DGKB: variants seen among roughly 807,000 people sequenced by gnomAD.
DGKB encodes the protein 90 kDa diacylglycerol kinase.
DGKB carries 67 observed loss-of-function variants against 114.3 expected under a neutral mutation model. That is an observed-to-expected ratio of 0.59 (90% CI 0.48 to 0.72). The LOEUF (loss-of-function observed/expected upper bound fraction) is 0.72. Among genes scored for constraint, DGKB ranks in the 30% least tolerant of loss-of-function variants. The pLI is 0.00. For missense variants in DGKB, 907 were observed against 975.2 expected (o/e 0.93, Z 0.93); for synonymous variants, 398 against 323.1 (o/e 1.23, Z -2.49).
At chr7:14,367,309 G>C (rs1816843787) in intron 21 of DGKB, among the ~76,000 whole-genome samples, 2 of 152,080 alleles carry the variant, frequency 1.3e-5, no homozygotes, top group African/African-American at 4.8e-5. Context: ...TGTGTGGTGA[G>C]AGGGATCCAG....
At chr7:14,668,274 G>C (rs1818381221) in intron 13 of DGKB, among the ~76,000 whole-genome samples, 1 of 152,058 alleles carries the variant, frequency 6.6e-6, no homozygotes, top group African/African-American at 2.4e-5. Context: ...AAGAACATTA[G>C]AATAGAATTG....
At chr7:14,517,082 C>T (rs980444483) in intron 20 of DGKB, among the ~76,000 whole-genome samples, 2 of 151,924 alleles carry the variant, frequency 1.3e-5, no homozygotes, top group African/African-American at 2.4e-5. Context: ...TAACCCAATC[C>T]GCATGGTACT....
At chr7:14,485,747 C>G (rs925793829) in intron 20 of DGKB, among the ~76,000 whole-genome samples, 2 of 150,358 alleles carry the variant, frequency 1.3e-5, no homozygotes, top group East Asian at 2.0e-4. Flanking sequence ...AAAAAAATAC[C>G]CGGGCATGGT....
At chr7:14,906,220 A>C (rs76161875), upstream of DGKB, among the ~76,000 whole-genome samples, 447 of 152,042 alleles carry the variant, frequency 2.9e-3, 8 homozygotes, top group Admixed American at 0.019. Flanking sequence ...AGCCTTAAAA[A>C]AAAAACAAAA....
At chr7:14,230,657 C>A (rs1791577962) in intron 23 of DGKB, among the ~76,000 whole-genome samples, 1 of 151,930 alleles carries the variant, frequency 6.6e-6, no homozygotes, top group African/African-American at 2.4e-5. Flanking sequence ...ACTTTAAAAC[C>A]TTAGTTTAAA....
At chr7:14,232,106 T>C (rs949481727) in intron 23 of DGKB, among the ~76,000 whole-genome samples, 1 of 151,970 alleles carries the variant, frequency 6.6e-6, no homozygotes, top group Non-Finnish European at 1.5e-5. Flanking sequence ...TTTGCCTCCC[T>C]CTTTTCCTCT....
intron 21 of DGKB, among the ~76,000 whole-genome samples, chr7:14,394,367 T>A (rs1007768972): frequency 4.6e-5 from 7 of 152,188 alleles, no homozygotes; most frequent in African/African-American, 1.7e-4. Context: ...TGAATAGATT[T>A]ATTTTAGACC....
At chr7:14,672,610 C>T (rs1056721775) in intron 13 of DGKB, among the ~76,000 whole-genome samples, 4 of 151,994 alleles carry the variant, frequency 2.6e-5, no homozygotes, top group African/African-American at 9.7e-5. Context: ...CTTCATTATT[C>T]TGGGAAGCTA....
At chr7:14,173,729 A>C (rs993962073) in intron 25 of DGKB, among the ~76,000 whole-genome samples, 6 of 152,208 alleles carry the variant, frequency 3.9e-5, no homozygotes, top group African/African-American at 1.4e-4. Flanking sequence ...CTTCAATTAC[A>C]GTGAAATTTA....
intron 20 of DGKB, among the ~76,000 whole-genome samples, chr7:14,552,893 G>T (rs1795304410): frequency 6.6e-6 from 1 of 152,200 alleles, no homozygotes; most frequent in Non-Finnish European, 1.5e-5. Flanking sequence ...GGTCAGCGTT[G>T]TTATGGACCG....
intron 20 of DGKB, among the ~76,000 whole-genome samples, chr7:14,517,149 G>T (rs1242072449): frequency 6.6e-6 from 1 of 151,874 alleles, no homozygotes; most frequent in African/African-American, 2.4e-5. Flanking sequence ...CAGAAATAAG[G>T]CCATGCACCT....
chr7:14,898,197 G>C (rs760722700), intron 1 of DGKB, among the ~76,000 whole-genome samples: 1 of 152,010 alleles, frequency 6.6e-6, no homozygotes, highest in African/African-American at 2.4e-5. Context: ...CATTAGCATG[G>C]AGAGCGGGCA....
At chr7:14,356,552 G>T (rs1239174594) in intron 21 of DGKB, among the ~76,000 whole-genome samples, 12 of 151,588 alleles carry the variant, frequency 7.9e-5, no homozygotes, top group African/African-American at 1.9e-4. Flanking sequence ...TAGTAGAGAT[G>T]GGTTTCATTG....
intron 23 of DGKB, among the ~76,000 whole-genome samples, chr7:14,323,988 A>G (rs962806054): frequency 1.9e-4 from 29 of 152,206 alleles, no homozygotes; most frequent in African/African-American, 5.8e-4. Context: ...AAGTCTAGAG[A>G]AAATGTTTTG....
intron 21 of DGKB, among the ~76,000 whole-genome samples, chr7:14,429,928 C>G (rs866130153): frequency 2.6e-4 from 40 of 151,754 alleles, no homozygotes; most frequent in Admixed American, 3.9e-4. Context: ...CTCTGTCCCC[C>G]CCCCCAAAAA....
intron 1 of DGKB, among the ~76,000 whole-genome samples, chr7:14,868,095 CATA>C (rs1402286759): frequency 2.3e-4 from 35 of 152,280 alleles, no homozygotes; most frequent in African/African-American, 7.9e-4. Context: ...TCATCATCAA[CATA>C]TGTCCATGTA....
At chr7:14,567,327 A>C (rs1449165494) in intron 20 of DGKB, among the ~76,000 whole-genome samples, 25 of 34,564 alleles carry the variant, frequency 7.2e-4, no homozygotes, top group African/African-American at 2.9e-3. Flanking sequence ...TATTATATAT[A>C]TTATATATTT....
chr7:14,693,107 C>T (rs528397509), intron 9 of DGKB, among the ~76,000 whole-genome samples: 2 of 152,176 alleles, frequency 1.3e-5, no homozygotes, highest in East Asian at 1.9e-4. Context: ...AATATTTCAG[C>T]TGGTAATAAG....
rs1444352232 is a variant in DGKB at position 14,648,599 on chromosome 7, C to T, written c.1135-18331G>A. Among the ~76,000 whole-genome samples, 3 of 152,120 alleles carry T rather than the reference C, an allele frequency of 2.0e-5. No individual in the cohort carries two copies. In the East Asian group the frequency reaches 5.8e-4, roughly 29 times the overall value. The stretch of plus-strand genomic sequence containing the variant: ...AAAAAGCAGAGCGCCTCTCCTCCTC[C>T]AAAGGAATGCAGTTCCTCACCAGCA... On this transcript the variant is annotated intron_variant, in intron 13 of 25. Transcript: ENST00000402815.
Sources: gnomAD v4.1 joint callset for allele counts (sites outside exome capture counted in the v4.1 genomes callset) on GRCh38, gnomAD v4.1.1 for gene constraint, MANE v1.5 for transcripts, NCBI Gene and HGNC (gene_info 2026-07-23, HGNC 2026-07-21) for gene names.